KLHL32: variants seen among roughly 807,000 people sequenced by gnomAD.
KLHL32 encodes the protein kelch like family member 32.
A neutral mutation model predicts 64.8 loss-of-function variants in KLHL32; 35 were observed. That is an observed-to-expected ratio of 0.54 (90% CI 0.41 to 0.72). The LOEUF is 0.72. Ranked by LOEUF, KLHL32 falls within the 30% of genes least tolerant of loss-of-function variation. The pLI, the probability that KLHL32 is intolerant of heterozygous loss-of-function variation, is 0.00. For missense variants in KLHL32, 589 were observed against 768.5 expected (o/e 0.77, Z 2.76); for synonymous variants, 259 against 281.0 (o/e 0.92, Z 0.78).
intron 2 of KLHL32, among the ~76,000 whole-genome samples, chr6:96,971,284 C>G (rs1048346203): frequency 6.6e-6 from 1 of 152,178 alleles, no homozygotes; most frequent in African/African-American, 2.4e-5. Context: ...AACTTTAAAA[C>G]TGACAGAACT....
chr6:97,106,616 C>T (rs1480694823), intron 6 of KLHL32, among the ~76,000 whole-genome samples: 4 of 151,890 alleles, frequency 2.6e-5, no homozygotes, highest in African/African-American at 9.7e-5. Flanking sequence ...TAATGGCGCA[C>T]GCTTGTAATC....
chr6:96,946,270 G>T (rs1050505239), intron 1 of KLHL32, among the ~76,000 whole-genome samples: 5 of 152,130 alleles, frequency 3.3e-5, no homozygotes, highest in African/African-American at 7.2e-5. Context: ...TCAGTTTCTG[G>T]TAAAAGAATT....
At chr6:97,047,946 T>C (rs1786188988) in intron 4 of KLHL32, among the ~76,000 whole-genome samples, 1 of 152,194 alleles carries the variant, frequency 6.6e-6, no homozygotes, top group Non-Finnish European at 1.5e-5. Context: ...CAAATAGGAC[T>C]GCGAACCACA....
At chr6:96,923,828 A>C (rs1562159266), upstream of KLHL32, among the ~76,000 whole-genome samples, 1 of 152,170 alleles carries the variant, frequency 6.6e-6, no homozygotes, top group Non-Finnish European at 1.5e-5. Context: ...TCCACGTTGG[A>C]CTAAGGTTTT....
the KLHL32 span, among the ~76,000 whole-genome samples, chr6:96,910,242 C>T: frequency 6.6e-6 from 1 of 151,770 alleles, no homozygotes; most frequent in African/African-American, 2.4e-5. Flanking sequence ...ATAACCCCAT[C>T]CCCAGGGAAA....
chr6:97,116,178 A>T (rs1352748953), intron 7 of KLHL32, among the ~76,000 whole-genome samples: 1 of 152,226 alleles, frequency 6.6e-6, no homozygotes, highest in Non-Finnish European at 1.5e-5. Context: ...GATGAAGTGG[A>T]CCCAACATTT....
intron 1 of KLHL32, among the ~76,000 whole-genome samples, chr6:96,942,654 GGTGTGTGTGTGT>G (rs373680196): frequency 5.5e-5 from 8 of 144,322 alleles, no homozygotes; most frequent in African/African-American, 1.3e-4. Flanking sequence ...ACAGCTGTGG[GGTGTGTGTGTGT>G]GTGTGTGTGT....
At chr6:97,012,289 A>T (rs535049961) in intron 3 of KLHL32, among the ~76,000 whole-genome samples, 4 of 152,346 alleles carry the variant, frequency 2.6e-5, no homozygotes, top group Non-Finnish European at 4.4e-5. Context: ...GACCCAATGT[A>T]ACCACAAAGT....
At chr6:96,906,612 G>C in the KLHL32 span, among the ~76,000 whole-genome samples, 1 of 152,124 alleles carries the variant, frequency 6.6e-6, no homozygotes, top group African/African-American at 2.4e-5. Flanking sequence ...TAAGTTTTTT[G>C]GTCCAATTTT....
the KLHL32 span, among the ~76,000 whole-genome samples, chr6:96,904,816 T>C: frequency 6.6e-6 from 1 of 152,236 alleles, no homozygotes; most frequent in East Asian, 1.9e-4. Flanking sequence ...TGTGATTATG[T>C]ACAGGGCAAC....
At chr6:97,068,658 G>A (rs1161527298) in intron 5 of KLHL32, among the ~76,000 whole-genome samples, 3 of 152,172 alleles carry the variant, frequency 2.0e-5, no homozygotes, top group African/African-American at 7.2e-5. Flanking sequence ...AGCACACTTT[G>A]TGAAATCACT....
Position 97,114,191 on chromosome 6 carries a change from G to A in KLHL32, c.1036G>A (p.Asp346Asn). Residue 346 changes from aspartate to asparagine, a missense_variant, in exon 7 of 11, where the codon GAC (aspartate) becomes AAC (asparagine). Transcript: ENST00000369261. ...CCACCATTGTGTGGCAGTCATGGGG[G>A]ACTTCCTGTTTGTGGCAGGAGGGGA... ...RSHHCVAVMG[D>N]FLFVAGGEVE... 1 of 1,614,186 alleles carries A rather than the reference G, an allele frequency of 6.2e-7. No homozygotes were observed. The highest frequency in any genetic ancestry group is 8.5e-7 in the Non-Finnish European group (1 of 1,180,032).
chr6:97,074,562 C>T (rs539094048), intron 5 of KLHL32, among the ~76,000 whole-genome samples: 5 of 150,600 alleles, frequency 3.3e-5, no homozygotes, highest in South Asian at 2.1e-4. Context: ...CACTCTTATT[C>T]GTAATAATGA....
intron 3 of KLHL32, among the ~76,000 whole-genome samples, chr6:97,035,500 C>G (rs920422303): frequency 6.6e-5 from 10 of 152,072 alleles, no homozygotes; most frequent in Admixed American, 1.3e-4. Flanking sequence ...CCCCCTTAGC[C>G]ATTTTGTGTA....
intron 5 of KLHL32, among the ~76,000 whole-genome samples, chr6:97,081,346 C>G (rs1232686658): frequency 1.3e-5 from 2 of 152,046 alleles, no homozygotes; most frequent in Non-Finnish European, 2.9e-5. Context: ...AGGACTATTG[C>G]CTCCTGGAGT....
At chr6:97,041,691 T>A in intron 4 of KLHL32, 92 bp downstream of exon 4, 1 of 699,460 alleles carries the variant, frequency 1.4e-6, no homozygotes, top group Non-Finnish European at 2.5e-6. Context: ...TAGTTATTGT[T>A]CTTGTTACTC....
chr6:97,065,024 G>T (rs1259338304), intron 5 of KLHL32, among the ~76,000 whole-genome samples: 1 of 152,188 alleles, frequency 6.6e-6, no homozygotes, highest in African/African-American at 2.4e-5. Context: ...GGAGCCGGGG[G>T]AGGTGTCGCT....
At chr6:96,921,391 G>T (rs751515270), upstream of KLHL32, among the ~76,000 whole-genome samples, 1 of 152,192 alleles carries the variant, frequency 6.6e-6, no homozygotes, top group Non-Finnish European at 1.5e-5. Flanking sequence ...ACTGGCGCTG[G>T]CTCCTGATGA....
chr6:97,007,716 T>G (rs1779842342), intron 3 of KLHL32, among the ~76,000 whole-genome samples: 1 of 152,182 alleles, frequency 6.6e-6, no homozygotes, highest in Non-Finnish European at 1.5e-5. Flanking sequence ...GTAGGTACAG[T>G]CAACTGGCCT....
Sources: allele counts gnomAD v4.1 joint callset (sites outside exome capture counted in the v4.1 genomes callset), GRCh38; gene constraint gnomAD v4.1.1; transcripts MANE v1.5; gene names NCBI Gene and HGNC (gene_info 2026-07-23, HGNC 2026-07-21).